Variants in SCEL observed in about 807,000 individuals in gnomAD.
SCEL encodes sciellin.
In SCEL, 113 loss-of-function variants were observed where a neutral mutation model predicts 117.6. That is an observed-to-expected ratio of 0.96 (90% confidence interval 0.83 to 1.12). The LOEUF (loss-of-function observed/expected upper bound fraction) is 1.12, where lower values mean the gene tolerates loss of function less well. Ranked by LOEUF, SCEL falls within the 50% of genes most tolerant of loss-of-function variation. The pLI, the probability that SCEL is intolerant of heterozygous loss-of-function variation, is 0.00. For synonymous variants in SCEL, 270 were observed against 256.2 expected, an observed-to-expected ratio of 1.05 and a Z score of -0.51; for missense variants, 785 against 810.8, an observed-to-expected ratio of 0.97 and a Z score of 0.39.
intron 5 of SCEL, among the ~76,000 whole-genome samples, chr13:77,564,195 T>G (rs1326469330): frequency 6.6e-6 from 1 of 151,530 alleles, no homozygotes; most frequent in Non-Finnish European, 1.5e-5. Flanking sequence ...ATATAGGTTT[T>G]TTTTTTTTTT....
chr13:77,550,308 C>A (rs191100149), intron 1 of SCEL, among the ~76,000 whole-genome samples: 7 of 151,474 alleles, frequency 4.6e-5, no homozygotes, highest in African/African-American at 1.7e-4. Flanking sequence ...ATTACTTGAA[C>A]CCAGGAGGCA....
chr13:77,559,457 G>T (rs919287187), intron 3 of SCEL, among the ~76,000 whole-genome samples: 2 of 152,072 alleles, frequency 1.3e-5, no homozygotes, highest in East Asian at 1.9e-4. Context: ...ATGCCAAAAA[G>T]GACTCTTCTA....
At chr13:77,551,444 C>T (rs925354817) in intron 1 of SCEL, among the ~76,000 whole-genome samples, 6 of 152,140 alleles carry the variant, frequency 3.9e-5, no homozygotes, top group Admixed American at 3.3e-4. Flanking sequence ...GCTGTTATAA[C>T]AAAATACCAC....
chr13:77,617,965 T>C, intron 26 of SCEL, 39 bp from the exon 27 acceptor site: 1 of 1,602,428 alleles, frequency 6.2e-7, no homozygotes, highest in Non-Finnish European at 8.6e-7. Flanking sequence ...CCAAAATCTA[T>C]TACCAATCTG....
chr13:77,614,094 T>C lies in SCEL; in HGVS notation c.1451+139T>C, dbSNP rs1470225382. The C allele has an allele frequency of 5.6e-6, 4 of 718,104 alleles. No individual in the cohort carries two copies. The Admixed American group carries it at 7.8e-5, about 14-fold the overall frequency. 44.5% of individuals were successfully genotyped at this position (718,104 alleles called of 1,614,324 possible). ...ACAGGTGGAAACCTAGATGTCTCAG[T>C]ATTTGTTAATTGCAAGAAAGAGAGG... On this transcript the variant is annotated intron_variant, in intron 24 of 32. Coordinates refer to ENST00000349847, the MANE Select transcript of SCEL (RefSeq NM_144777.3).
At chr13:77,627,628 C>T (rs564945375) in intron 27 of SCEL, among the ~76,000 whole-genome samples, 2 of 152,072 alleles carry the variant, frequency 1.3e-5, no homozygotes, top group Non-Finnish European at 2.9e-5. Context: ...AAACTTTGTA[C>T]ATCTATTATA....
At chr13:77,567,772 G>A in intron 6 of SCEL, 24 bp downstream of exon 6, 1 of 1,439,228 alleles carries the variant, frequency 6.9e-7, no homozygotes, top group Non-Finnish European at 9.6e-7. Context: ...CTAACTATGG[G>A]AAAGGCTCAA....
chr13:77,551,934 A>C (rs2084354886), intron 1 of SCEL, among the ~76,000 whole-genome samples: 1 of 143,566 alleles, frequency 7.0e-6, no homozygotes, highest in African/African-American at 2.6e-5. Flanking sequence ...TATGAGTGAG[A>C]ATATGCGGTG....
intron 5 of SCEL, among the ~76,000 whole-genome samples, chr13:77,566,355 A>G (rs890237107): frequency 1.3e-5 from 2 of 152,166 alleles, no homozygotes; most frequent in East Asian, 1.9e-4. Context: ...GGGATGTTCT[A>G]GAGAGTAGAA....
rs2088524116 is a variant in SCEL, at chr13:77,610,053, A to C, written c.1284A>C (p.Gln428His). The change falls in exon 22 of 33, where the codon CAA becomes CAC. Residue 428 changes from glutamine (Q) to histidine (H), a missense_variant. Gln to His is a conservative substitution (Grantham distance 24, BLOSUM62 0). Coordinates refer to ENST00000349847, the MANE Select transcript of SCEL (RefSeq NM_144777.3). ...PGTEKSTEGG[Q>H]SLDSLIKVTP... ...GATTTTCTATGTTTTTAAGGGGCCA[A>C]AGTCTCGACAGCCTCATTAAAGTGA... 6.2e-7 allele frequency: 1 copy of C among 1,608,900 alleles called. No homozygotes were observed. Among genetic ancestry groups the C allele is most frequent in the Non-Finnish European group, 8.5e-7 (1 of 1,177,218 alleles).
chr13:77,571,376 C>G (rs2085608689), intron 8 of SCEL, among the ~76,000 whole-genome samples: 1 of 33,524 alleles, frequency 3.0e-5, no homozygotes, highest in Non-Finnish European at 6.2e-5. Context: ...GAGACTACAT[C>G]TCAAAAAAAA....
intron 4 of SCEL, among the ~76,000 whole-genome samples, chr13:77,562,307 A>T (rs1184652078): frequency 1.3e-5 from 2 of 152,188 alleles, no homozygotes; most frequent in East Asian, 3.8e-4. Flanking sequence ...AAGGGGACAG[A>T]TGGCCCTCCG....
intron 1 of SCEL, among the ~76,000 whole-genome samples, chr13:77,548,966 T>G (rs2084149125): frequency 6.6e-6 from 1 of 152,236 alleles, no homozygotes; most frequent in Non-Finnish European, 1.5e-5. Flanking sequence ...TGTCTGTTGA[T>G]GGACACTTAG....
At chr13:77,599,258 T>G in intron 13 of SCEL, 71 bp from the exon 14 acceptor site, 2 of 1,067,572 alleles carry the variant, frequency 1.9e-6, no homozygotes, top group Non-Finnish European at 2.8e-6. Flanking sequence ...TGTAAACTGG[T>G]CTATGTTCTT....
At chr13:77,616,518 A>G (rs1018840683) in intron 24 of SCEL, among the ~76,000 whole-genome samples, 3 of 152,038 alleles carry the variant, frequency 2.0e-5, no homozygotes, top group African/African-American at 7.2e-5. Flanking sequence ...ATTATGTTCA[A>G]TTGAAAATAT....
At chr13:77,557,217 C>T (rs759276877) in intron 3 of SCEL, among the ~76,000 whole-genome samples, 10 of 152,170 alleles carry the variant, frequency 6.6e-5, no homozygotes, top group Non-Finnish European at 1.3e-4. Context: ...TATGGTATTA[C>T]TTTGTAAGTA....
Position 77,642,809 on chromosome 13 carries a change from G to A in SCEL, c.2050+1G>A, listed in dbSNP as rs761544158. 1.3e-6 allele frequency: 2 copies of A among 1,544,214 alleles called. No homozygotes were observed. Among genetic ancestry groups the A allele is most frequent in the African/African-American group, 2.7e-5 (2 of 73,490 alleles). ...GAACCTTGCTACTCTAAAATTATGG[G>A]TAAGTGTTACACTCTAAGCATTTAA... On this transcript the variant is annotated splice_donor_variant, in intron 32 of 32. Transcript: ENST00000349847. LOFTEE classifies it high-confidence loss of function.
intron 29 of SCEL, among the ~76,000 whole-genome samples, 178 bp downstream of exon 29, chr13:77,634,628 G>T (rs1337084116): frequency 6.6e-6 from 1 of 151,948 alleles, no homozygotes; most frequent in East Asian, 1.9e-4. Flanking sequence ...ATGTACTTGG[G>T]CTATAAATAA....
intron 24 of SCEL, among the ~76,000 whole-genome samples, chr13:77,614,504 T>G (rs996220840): frequency 1.3e-5 from 2 of 152,170 alleles, no homozygotes; most frequent in Non-Finnish European, 2.9e-5. Context: ...ATAATGAAAC[T>G]CACTTTTTGT....
Sources: allele counts gnomAD v4.1 joint callset (sites outside exome capture counted in the v4.1 genomes callset), GRCh38; gene constraint gnomAD v4.1.1; transcripts MANE v1.5; gene names NCBI Gene and HGNC (gene_info 2026-07-23, HGNC 2026-07-21).